Variants in CCDC32 observed in about 807,000 individuals in gnomAD.
CCDC32 encodes the protein coiled-coil domain containing 32, also known as coiled-coil domain-containing protein 32.
Under a neutral mutation model 20.1 loss-of-function variants are expected in CCDC32, and 9 were observed. That is an observed-to-expected ratio of 0.45 (90% CI 0.27 to 0.78). The LOEUF (loss-of-function observed/expected upper bound fraction) is 0.78. Ranked by LOEUF, CCDC32 falls within the 30% of genes least tolerant of loss-of-function variation. CCDC32 has a pLI of 0.16. For synonymous variants in CCDC32, 63 were observed against 79.0 expected (o/e 0.80, Z 1.07); for missense variants, 204 against 215.5 (o/e 0.95, Z 0.33).
downstream of CCDC32, among the ~76,000 whole-genome samples, chr15:40,534,124 A>G (rs1246247471): frequency 6.6e-6 from 1 of 152,218 alleles, no homozygotes; most frequent in African/African-American, 2.4e-5. Flanking sequence ...AATTTTTGCA[A>G]AGAAGAGAAA....
chr15:40,553,054 A>G, downstream of CCDC32: 1 of 943,346 alleles, frequency 1.1e-6, no homozygotes, highest in Non-Finnish European at 1.3e-6. Context: ...GCCTGGGAAC[A>G]TCCTTCCAGG....
intron 2 of CCDC32, among the ~76,000 whole-genome samples, chr15:40,558,227 A>G (rs1013464487): frequency 3.3e-5 from 5 of 152,242 alleles, no homozygotes; most frequent in African/African-American, 9.6e-5. Context: ...GCTTAGAACC[A>G]ATAGAAACTA....
downstream of CCDC32, among the ~76,000 whole-genome samples, chr15:40,524,030 A>C (rs1436239799): frequency 6.6e-6 from 1 of 152,242 alleles, no homozygotes; most frequent in African/African-American, 2.4e-5. Context: ...AAAACTGGAC[A>C]CAAATATCAG....
Position 40,557,356 on chromosome 15 carries a change from T to A in CCDC32, c.261A>T (p.Arg87Ser). 6.2e-7 allele frequency: 1 copy of A among 1,611,838 alleles called. No individual in the cohort carries two copies. Among genetic ancestry groups the A allele is most frequent in the Non-Finnish European group, 8.5e-7 (1 of 1,179,316 alleles). Residue 87 changes from arginine (R) to serine (S), a missense_variant, in exon 3 of 4, where the codon AGA becomes AGT. Arg to Ser is a moderately radical substitution (Grantham distance 110). Coordinates refer to ENST00000416810, the MANE Select transcript of CCDC32 (RefSeq NM_001080792.4). Reference sequence around the variant, plus strand: ...TCACTTCCTGATTTAAACCTTTGATTCTTCTTAGCTTCTTCTCTAGAGAGA... The same window carrying A: ...TCACTTCCTGATTTAAACCTTTGATACTTCTTAGCTTCTTCTCTAGAGAGA... The part of the protein sequence containing the change: ...YLASLEKKLR[R>S]IKGLNQEVTS...
downstream of CCDC32, among the ~76,000 whole-genome samples, chr15:40,526,339 A>G (rs1055915404): frequency 5.9e-5 from 9 of 152,332 alleles, no homozygotes; most frequent in African/African-American, 1.7e-4. Context: ...ACTGTTTTAT[A>G]TAACTGAAAA....
At chr15:40,533,038 T>G (rs991532339), downstream of CCDC32, among the ~76,000 whole-genome samples, 2 of 152,002 alleles carry the variant, frequency 1.3e-5, no homozygotes, top group African/African-American at 4.8e-5. Context: ...ATTTCTATTC[T>G]CCTGTTGGTG....
Position 40,553,549 on chromosome 15 carries a change from T to C in CCDC32, c.*422A>G. The C allele has an allele frequency of 1.0e-6, 1 of 990,868 alleles. No homozygotes were observed. The highest frequency in any genetic ancestry group is 4.6e-5 in the South Asian group (1 of 21,562). The allele number at this position is 990,868 out of a possible 1,614,324, so 61.4% of individuals were successfully genotyped here. On this transcript the variant is annotated 3_prime_UTR_variant, in exon 4 of 4. Coordinates refer to ENST00000416810, the MANE Select transcript of CCDC32 (RefSeq NM_001080792.4). ...CAAGGGAATGCTTGGGACACAAGCA[T>C]GAATGTCCGGAAGAGGCAAGAAAAT... is the stretch of plus-strand genomic sequence containing the variant.
intron 3 of CCDC32, among the ~76,000 whole-genome samples, chr15:40,542,644 G>A (rs1889443294): frequency 6.6e-6 from 1 of 152,182 alleles, no homozygotes. Context: ...TGAGGCGGGA[G>A]GATCACGAGG....
chr15:40,544,417 C>T (rs552338137), intron 3 of CCDC32, among the ~76,000 whole-genome samples: 13 of 152,076 alleles, frequency 8.5e-5, no homozygotes, highest in African/African-American at 2.9e-4. Context: ...GGGTCTCTTT[C>T]TGTTGCCCAG....
At chr15:40,557,454 T>TA in intron 2 of CCDC32, 82 bp from the exon 3 acceptor site, 4 of 1,434,200 alleles carry the variant, frequency 2.8e-6, no homozygotes, top group South Asian at 1.4e-5. Context: ...AATACTAACT[T>TA]AAAAAATCTC....
At chr15:40,533,960 G>C (rs1192529165), downstream of CCDC32, among the ~76,000 whole-genome samples, 1 of 152,210 alleles carries the variant, frequency 6.6e-6, no homozygotes, top group Non-Finnish European at 1.5e-5. Flanking sequence ...AAGATCCCAA[G>C]AGGGGCTGGT....
At chr15:40,554,171 T>G (rs913179951) in intron 3 of CCDC32, 44 bp from the exon 4 acceptor site, 1 of 1,574,022 alleles carries the variant, frequency 6.4e-7, no homozygotes, top group Non-Finnish European at 8.7e-7. Flanking sequence ...CAGACCTCAC[T>G]GATTAATTAC....
chr15:40,522,213 T>A, the CCDC32 span, among the ~76,000 whole-genome samples: 529 of 152,360 alleles, frequency 3.5e-3, 4 homozygotes, highest in African/African-American at 0.012. Context: ...TTAAAAATAC[T>A]ATTTTTTTCT....
intron 2 of CCDC32, chr15:40,561,858 C>A (rs4924482): frequency 0.88 from 133,030 of 150,412 alleles, 59,161 homozygotes; most frequent in Non-Finnish European, 0.93. Context: ...AAGACTGCCC[C>A]TCACCGCCCT....
rs142688774 is a variant in CCDC32, at chr15:40,539,840, CCACACA to C, written c.402-491_402-486del. On this transcript the variant is annotated intron_variant, in intron 3 of 3. Coordinates refer to the CCDC32 transcript ENST00000558113. ...CCTAATAAGAGTGATCAAACTGTTGCCACACACACACACACACACACACACACACAC... is the reference window on the plus strand; with the variant it reads ...CCTAATAAGAGTGATCAAACTGTTGCCACACACACACACACACACACACAC... 5.5e-3 allele frequency among the ~76,000 whole-genome samples: 741 copies of C among 134,564 alleles called. 5 individuals carry two copies. The highest frequency in any genetic ancestry group is 0.015 in the Middle Eastern group (4 of 268). The allele number at this position is 134,564 out of a possible 152,430, so 88.3% of individuals were successfully genotyped here. A position where few individuals can be genotyped will look rare whatever the true frequency, so the allele number is the denominator to read the frequency against.
chr15:40,535,241 T>G, downstream of CCDC32: 2 of 1,399,914 alleles, frequency 1.4e-6, no homozygotes, highest in Non-Finnish European at 1.9e-6. Context: ...TCTGCAGTAG[T>G]CTACATGAGA....
Position 40,565,029 on chromosome 15 carries a change from G to A in CCDC32, c.-66C>T. ...TCAGCTCTGTCGCCTGTAGCCCGGAGGAAATCGGGAGGGGCGGAGTCCCCT... is the reference window on the plus strand; with the variant it reads ...TCAGCTCTGTCGCCTGTAGCCCGGAAGAAATCGGGAGGGGCGGAGTCCCCT... On this transcript the variant is annotated 5_prime_UTR_variant, in exon 1 of 4. Transcript: ENST00000416810. The A allele has an allele frequency of 3.6e-6, 2 of 559,746 alleles. No individual in the cohort carries two copies. The highest frequency in any genetic ancestry group is 4.9e-5 in the South Asian group (2 of 40,704). 34.7% of individuals were successfully genotyped at this position (559,746 alleles called of 1,614,324 possible).
intron 2 of CCDC32, among the ~76,000 whole-genome samples, chr15:40,559,317 C>A (rs2074068816): frequency 4.6e-5 from 7 of 152,276 alleles, no homozygotes; most frequent in Admixed American, 4.6e-4. Flanking sequence ...AAACTCTTGG[C>A]CTACACGTGA....
chr15:40,534,897 G>A, downstream of CCDC32: 1 of 702,494 alleles, frequency 1.4e-6, no homozygotes, highest in East Asian at 2.7e-5. Flanking sequence ...GGAAGTGATG[G>A]GCTCAGAATG....
Sources: allele counts gnomAD v4.1 joint callset (sites outside exome capture counted in the v4.1 genomes callset), GRCh38; gene constraint gnomAD v4.1.1; transcripts MANE v1.5; gene names NCBI Gene and HGNC (gene_info 2026-07-23, HGNC 2026-07-21).